Variants in DLGAP2 observed in about 807,000 individuals in gnomAD.
The protein encoded by DLGAP2 is disks large-associated protein 2.
A neutral mutation model predicts 100.3 loss-of-function variants in DLGAP2; 26 were observed. The observed-to-expected ratio is 0.26, with a 90% CI of 0.19 to 0.36. The LOEUF is 0.36. Ranked by LOEUF, DLGAP2 falls within the 10% of genes least tolerant of loss-of-function variation. The probability of loss-of-function intolerance (pLI) is 1.00; values close to 1 mark genes in which losing one functional copy is unlikely to be tolerated. For synonymous variants in DLGAP2, 886 were observed against 630.1 expected, an observed-to-expected ratio of 1.41 and a Z score of -6.08; for missense variants, 1,858 against 1,453.2, an observed-to-expected ratio of 1.28 and a Z score of -4.53.
intron 2 of DLGAP2, among the ~76,000 whole-genome samples, chr8:1,029,504 C>T (rs1387368329): frequency 2.0e-5 from 3 of 151,754 alleles, no homozygotes; most frequent in African/African-American, 7.3e-5. Context: ...TGGCCAAGGG[C>T]GTCCAGCGGT....
chr8:1,412,590 T>C (rs1409141179), intron 3 of DLGAP2, among the ~76,000 whole-genome samples: 1 of 152,216 alleles, frequency 6.6e-6, no homozygotes, highest in East Asian at 1.9e-4. Flanking sequence ...ATAAGTTGCT[T>C]CACCCCTCTC....
chr8:1,073,746 C>A (rs891953828), intron 2 of DLGAP2, among the ~76,000 whole-genome samples: 1 of 152,212 alleles, frequency 6.6e-6, no homozygotes, highest in African/African-American at 2.4e-5. Flanking sequence ...GGCTCCCATG[C>A]AGAAAGTTAG....
intron 3 of DLGAP2, among the ~76,000 whole-genome samples, chr8:1,479,728 A>G (rs1799036604): frequency 1.3e-5 from 2 of 152,200 alleles, no homozygotes; most frequent in African/African-American, 4.8e-5. Flanking sequence ...ATTTCAAGGT[A>G]GTCTTTTCCT....
intron 1 of DLGAP2, among the ~76,000 whole-genome samples, chr8:783,664 T>G (rs1821761287): frequency 6.6e-6 from 1 of 152,140 alleles, no homozygotes; most frequent in Non-Finnish European, 1.5e-5. Context: ...TGAGAAAGTG[T>G]CTGAGTGATG....
At chr8:1,143,226 A>G (rs1459387136) in intron 2 of DLGAP2, among the ~76,000 whole-genome samples, 17 of 152,174 alleles carry the variant, frequency 1.1e-4, no homozygotes, top group Non-Finnish European at 1.5e-5. Flanking sequence ...GAAAACACAT[A>G]CAATGTGCTG....
chr8:1,299,383 T>A (rs980059925), intron 3 of DLGAP2, among the ~76,000 whole-genome samples: 1 of 152,236 alleles, frequency 6.6e-6, no homozygotes, highest in South Asian at 2.1e-4. Context: ...CAGATTCTCA[T>A]GGCCCTTCTT....
chr8:1,355,425 C>T (rs970920313), intron 3 of DLGAP2, among the ~76,000 whole-genome samples: 1 of 152,060 alleles, frequency 6.6e-6, no homozygotes, highest in South Asian at 2.1e-4. Flanking sequence ...AGTGCAGTGG[C>T]TCAATCTTGG....
chr8:1,243,956 C>T (rs1419879570), intron 2 of DLGAP2, among the ~76,000 whole-genome samples: 1 of 152,184 alleles, frequency 6.6e-6, no homozygotes, highest in African/African-American at 2.4e-5. Context: ...TACCTTCCAG[C>T]TCCCAGCCTC....
rs903363411 is a variant in DLGAP2, at chr8:1,621,598, C to T, written c.1443-5142C>T. On this transcript the variant is annotated intron_variant, in intron 6 of 14. Transcript: ENST00000637795. The stretch of plus-strand genomic sequence containing the variant: ...GAGCAGTCATCAGTATGGAGAAGGC[C>T]GGACTCTGCTCAGAAGCCACTGAGC... 3.9e-5 allele frequency: 6 copies of T among 152,268 alleles called. No individual in the cohort carries two copies. The East Asian group carries it at 7.7e-4, about 20-fold the overall frequency. 9.4% of individuals were successfully genotyped at this position (152,268 alleles called of 1,614,324 possible).
intron 2 of DLGAP2, among the ~76,000 whole-genome samples, chr8:1,202,594 C>T (rs1474545972): frequency 6.6e-6 from 1 of 152,160 alleles, no homozygotes; most frequent in African/African-American, 2.4e-5. Context: ...GGAGACACCA[C>T]AGAGGCCGTA....
At chr8:1,271,178 G>T (rs1304445223) in intron 3 of DLGAP2, among the ~76,000 whole-genome samples, 3 of 152,034 alleles carry the variant, frequency 2.0e-5, no homozygotes, top group African/African-American at 7.3e-5. Context: ...ATGTGAAAAG[G>T]AGAAAATAAC....
intron 6 of DLGAP2, among the ~76,000 whole-genome samples, chr8:1,573,733 T>C (rs967768197): frequency 1.3e-5 from 2 of 152,018 alleles, no homozygotes; most frequent in Non-Finnish European, 2.9e-5. Flanking sequence ...GTGAATAAAG[T>C]TTTATTGGAA....
chr8:1,023,053 G>A (rs1801674040), intron 2 of DLGAP2, among the ~76,000 whole-genome samples: 1 of 152,234 alleles, frequency 6.6e-6, no homozygotes, highest in Non-Finnish European at 1.5e-5. Flanking sequence ...CAGACATCCA[G>A]CCACATGCCG....
intron 3 of DLGAP2, among the ~76,000 whole-genome samples, chr8:1,337,553 T>C (rs1460370208): frequency 6.6e-6 from 1 of 151,964 alleles, no homozygotes; most frequent in African/African-American, 2.4e-5. Flanking sequence ...ATGATCATAA[T>C]GGTGGTGGTG....
intron 2 of DLGAP2, among the ~76,000 whole-genome samples, chr8:1,022,735 T>A (rs1232824315): frequency 2.5e-5 from 3 of 121,190 alleles, no homozygotes; most frequent in Non-Finnish European, 5.2e-5. Context: ...CCGAGGTAGA[T>A]GCTCCAACCA....
chr8:1,477,195 C>G (rs932401796), intron 3 of DLGAP2, among the ~76,000 whole-genome samples: 3 of 151,708 alleles, frequency 2.0e-5, no homozygotes, highest in African/African-American at 7.2e-5. Context: ...GGGGTGGATG[C>G]GCACCTGTCC....
chr8:1,359,972 C>T (rs1801942764), intron 3 of DLGAP2, among the ~76,000 whole-genome samples: 2 of 152,200 alleles, frequency 1.3e-5, no homozygotes, highest in African/African-American at 4.8e-5. Flanking sequence ...GTCCACGGGT[C>T]CTGCCAGCAC....
intron 1 of DLGAP2, among the ~76,000 whole-genome samples, chr8:897,303 G>T (rs1314552013): frequency 6.6e-6 from 1 of 152,126 alleles, no homozygotes; most frequent in Non-Finnish European, 1.5e-5. Flanking sequence ...CTCTAGTCTG[G>T]GTTTGCTGGA....
chr8:1,287,619 A>G (rs1174482514), intron 3 of DLGAP2, among the ~76,000 whole-genome samples: 1 of 62,936 alleles, frequency 1.6e-5, no homozygotes, highest in East Asian at 5.2e-4. Context: ...TGTTAGGGGA[A>G]CTAGTTTCGG....
Sources: allele counts gnomAD v4.1 joint callset (sites outside exome capture counted in the v4.1 genomes callset), GRCh38; gene constraint gnomAD v4.1.1; transcripts MANE v1.5; gene names NCBI Gene and HGNC (gene_info 2026-07-23, HGNC 2026-07-21).